Variants in IMMT observed in about 807,000 individuals in gnomAD.
IMMT encodes the protein inner membrane mitochondrial protein, also known as MICOS complex subunit MIC60.
IMMT carries 40 observed loss-of-function variants against 92.7 expected under a neutral mutation model. That is an observed-to-expected ratio of 0.43 (90% CI 0.34 to 0.56). IMMT has a LOEUF of 0.56. IMMT is among the 20% of genes least tolerant of loss of function. IMMT has a pLI of 0.03. For synonymous variants in IMMT, 322 were observed against 336.1 expected, an observed-to-expected ratio of 0.96 and a Z score of 0.46; for missense variants, 831 against 912.1, an observed-to-expected ratio of 0.91 and a Z score of 1.14.
chr2:86,182,776 C>T (rs1282867247), intron 1 of IMMT, among the ~76,000 whole-genome samples: 2 of 149,930 alleles, frequency 1.3e-5, no homozygotes, highest in Non-Finnish European at 3.0e-5. Flanking sequence ...GCTTGAGCCC[C>T]GGAGGTGGAG....
intron 13 of IMMT, among the ~76,000 whole-genome samples, chr2:86,146,538 G>A (rs537740524): frequency 3.7e-4 from 56 of 151,530 alleles, no homozygotes; most frequent in African/African-American, 1.3e-3. Flanking sequence ...GCCAATTATT[G>A]TATTTTTAGT....
At chr2:86,155,215 T>G (rs1435440059) in intron 10 of IMMT, among the ~76,000 whole-genome samples, 3 of 152,106 alleles carry the variant, frequency 2.0e-5, no homozygotes, top group African/African-American at 7.2e-5. Context: ...AGACAGGTAT[T>G]TTTCATCCAA....
intron 1 of IMMT, 143 bp from the exon 2 acceptor site, chr2:86,181,515 GA>G: frequency 1.6e-6 from 1 of 625,268 alleles, no homozygotes; most frequent in Non-Finnish European, 2.8e-6. Flanking sequence ...AATTTATCAT[GA>G]ACCATATTTA....
chr2:86,194,720 T>C (rs749819949), intron 1 of IMMT, among the ~76,000 whole-genome samples: 41 of 152,146 alleles, frequency 2.7e-4, no homozygotes, highest in Admixed American at 1.3e-4. Context: ...CCTGCCCTAA[T>C]CTCAGAAATG....
chr2:86,170,634 C>A, intron 6 of IMMT, 115 bp downstream of exon 6: 1 of 668,952 alleles, frequency 1.5e-6, no homozygotes, highest in Non-Finnish European at 2.6e-6. Context: ...AAAACAACCG[C>A]AGCAACAAAA....
chr2:86,172,283 AAC>A (rs1677149576), intron 4 of IMMT, among the ~76,000 whole-genome samples: 1 of 151,746 alleles, frequency 6.6e-6, no homozygotes, highest in African/African-American at 2.4e-5. Context: ...GTTTTAAAGT[AAC>A]AGTCAATTAT....
Position 86,171,224 on chromosome 2 carries a change from G to A in IMMT, c.543C>T (p.Pro181=). 6.3e-7 allele frequency: 1 copy of A among 1,596,580 alleles called. No homozygotes were observed. Among genetic ancestry groups the A allele is most frequent in the Non-Finnish European group, 8.5e-7 (1 of 1,170,564 alleles). ...TTAAATTACCTGAAAGTGCAGGTGT[G>A]GGTTTTCCTTCACCAATTTCAGGGT... ...TDHPEIGEGK[P]TPALSEEASS... Residue 181 remains proline (P), a synonymous_variant, in exon 5 of 15, where the codon CCC becomes CCT. Transcript: ENST00000410111.
chr2:86,157,720 G>A (rs892474180), intron 10 of IMMT, among the ~76,000 whole-genome samples: 9 of 151,064 alleles, frequency 6.0e-5, no homozygotes, highest in Admixed American at 2.6e-4. Context: ...CGTGGGAGGC[G>A]GAGGTTGCAG....
At chr2:86,181,460 T>A in intron 1 of IMMT, 88 bp from the exon 2 acceptor site, 2 of 841,800 alleles carry the variant, frequency 2.4e-6, no homozygotes, top group Non-Finnish European at 3.8e-6. Flanking sequence ...ATACTTTTAT[T>A]AAAAATGTCT....
intron 6 of IMMT, 90 bp from the exon 7 acceptor site, chr2:86,166,734 G>T: frequency 4.1e-6 from 5 of 1,228,706 alleles, no homozygotes; most frequent in African/African-American, 1.5e-5. Flanking sequence ...GTCTTCCATT[G>T]CATTTCCCAA....
At chr2:86,149,600 G>A (rs746555572) in intron 12 of IMMT, among the ~76,000 whole-genome samples, 11 of 152,296 alleles carry the variant, frequency 7.2e-5, no homozygotes, top group South Asian at 2.1e-4. Flanking sequence ...GGGGAAGGCC[G>A]GGCATGGTAC....
intron 1 of IMMT, among the ~76,000 whole-genome samples, chr2:86,186,525 C>G (rs1038448071): frequency 6.6e-6 from 1 of 152,222 alleles, no homozygotes; most frequent in Admixed American, 6.5e-5. Context: ...CAGCTTCTAC[C>G]TAGCTCTGCC....
At chr2:86,145,953 G>A in intron 14 of IMMT, 115 bp downstream of exon 14, 1 of 746,532 alleles carries the variant, frequency 1.3e-6, no homozygotes, top group East Asian at 3.2e-5. Context: ...TAAGTAGAGT[G>A]ATTAGTATTT....
At chr2:86,170,488 T>C (rs1428008555) in intron 6 of IMMT, among the ~76,000 whole-genome samples, 1 of 152,208 alleles carries the variant, frequency 6.6e-6, no homozygotes. Flanking sequence ...TCCCAGAGTA[T>C]AAAGAATCTT....
intron 3 of IMMT, among the ~76,000 whole-genome samples, chr2:86,178,439 A>G (rs1427132261): frequency 6.6e-6 from 1 of 151,970 alleles, no homozygotes; most frequent in Non-Finnish European, 1.5e-5. Flanking sequence ...AGCCTGGACA[A>G]CATGGTAAAA....
chr2:86,184,809 A>C (rs180862703), intron 1 of IMMT, among the ~76,000 whole-genome samples: 80 of 152,360 alleles, frequency 5.3e-4, no homozygotes, highest in Admixed American at 2.0e-4. Flanking sequence ...AGTTTATCAA[A>C]ACTGTCATCT....
In IMMT at chr2:86,144,622, C is replaced by T. The variant is rs994704183; in HGVS notation, c.1923G>A (p.Leu641=). ...CATCAATCATTGCTACCCTTCGGGC[C>T]AGTTTTTGAACAGCATAGAAACGGG... The part of the protein sequence containing the change: ...LRARFYAVQK[L]ARRVAMIDET... The change falls in exon 15 of 15, where the codon CTG becomes CTA. Residue 641 remains leucine, a synonymous_variant. Transcript: ENST00000410111. The T allele has an allele frequency of 6.2e-7, 1 of 1,614,016 alleles. No homozygotes were observed. Among genetic ancestry groups the T allele is most frequent in the Non-Finnish European group, 8.5e-7 (1 of 1,179,912 alleles).
At chr2:86,148,544 A>T (rs545997380) in intron 12 of IMMT, among the ~76,000 whole-genome samples, 1 of 152,162 alleles carries the variant, frequency 6.6e-6, no homozygotes, top group African/African-American at 2.4e-5. Flanking sequence ...CCGAGGAGGC[A>T]GAGCTTGCCG....
intron 1 of IMMT, among the ~76,000 whole-genome samples, chr2:86,182,502 T>C (rs191689718): frequency 1.6e-4 from 24 of 152,296 alleles, no homozygotes; most frequent in Admixed American, 1.3e-3. Context: ...ATCAGATGTT[T>C]TAAAATATGT....
Sources: gnomAD v4.1 joint callset for allele counts (sites outside exome capture counted in the v4.1 genomes callset) on GRCh38, gnomAD v4.1.1 for gene constraint, MANE v1.5 for transcripts, NCBI Gene and HGNC (gene_info 2026-07-23, HGNC 2026-07-21) for gene names.